Variants in WNT9A observed in about 807,000 individuals in gnomAD.
The protein encoded by WNT9A is protein Wnt-9a.
In WNT9A, 8 loss-of-function variants were observed where a neutral mutation model predicts 31.4. The observed-to-expected ratio is 0.26, with a 90% CI of 0.15 to 0.46. The LOEUF is 0.46. Among genes scored for constraint, WNT9A ranks in the 20% least tolerant of loss-of-function variants. The pLI, the probability that WNT9A is intolerant of heterozygous loss-of-function variation, is 0.99. For synonymous variants in WNT9A, 236 were observed against 220.1 expected, an observed-to-expected ratio of 1.07 and a Z score of -0.64; for missense variants, 457 against 522.9, an observed-to-expected ratio of 0.87 and a Z score of 1.23.
In WNT9A at chr1:227,921,564, C is replaced by T. The variant is rs1409565190; in HGVS notation, c.1052G>A (p.Cys351Tyr). The change falls in exon 4 of 4, where the codon TGC becomes TAC. Residue 351 changes from cysteine to tyrosine, a missense_variant. Cys to Tyr is a radical substitution (Grantham distance 194, BLOSUM62 -2). Transcript: ENST00000272164. Reference sequence around the variant, plus strand: ...CTCCTCACGCTGCGTGCACTGCCTGCACTCCACATAGCAGCACCAACGCAC... The same window carrying T: ...CTCCTCACGCTGCGTGCACTGCCTGTACTCCACATAGCAGCACCAACGCAC... ...CQVRWCCYVECRQCTQREEVY... is the reference protein window; with the variant it reads ...CQVRWCCYVEYRQCTQREEVY... The T allele has an allele frequency of 6.2e-7, 1 of 1,613,246 alleles. No homozygotes were observed. Among genetic ancestry groups the T allele is most frequent in the South Asian group, 1.1e-5 (1 of 91,072 alleles).
At chr1:227,939,202 C>T (rs984845593) in intron 1 of WNT9A, among the ~76,000 whole-genome samples, 3 of 152,222 alleles carry the variant, frequency 2.0e-5, no homozygotes, top group Non-Finnish European at 4.4e-5. Flanking sequence ...CAGATGGGGC[C>T]GCAGACAGTG....
chr1:227,929,277 A>G (rs1460648414), intron 1 of WNT9A, among the ~76,000 whole-genome samples: 3 of 152,224 alleles, frequency 2.0e-5, no homozygotes, highest in African/African-American at 7.2e-5. Flanking sequence ...AAAAAAAACT[A>G]TATTGATACA....
In WNT9A at chr1:227,947,820, G is replaced by T; in HGVS notation, c.68C>A (p.Ala23Glu). ...AAFGLTLLLA[A>E]LRPSAAYFGL... ...GAAGTAGGCGGCCGAAGGGCGCAGC[G>T]CGGCGAGCAGCAGCGTCAGCCCGAA... The change falls in exon 1 of 4, where the codon GCG (alanine) becomes GAG (glutamate). Residue 23 changes from alanine to glutamate, a missense_variant. Transcript: ENST00000272164. 9.1e-7 allele frequency: 1 copy of T among 1,096,578 alleles called. No homozygotes were observed. Among genetic ancestry groups the T allele is most frequent in the Non-Finnish European group, 1.1e-6 (1 of 902,000 alleles). The allele number at this position is 1,096,578 out of a possible 1,614,324, so 67.9% of individuals were successfully genotyped here. A position where few individuals can be genotyped will look rare whatever the true frequency, so the allele number is the denominator to read the frequency against.
chr1:227,930,709 T>C (rs1666496459), intron 1 of WNT9A, among the ~76,000 whole-genome samples: 1 of 152,176 alleles, frequency 6.6e-6, no homozygotes, highest in African/African-American at 2.4e-5. Context: ...GGTTCTTAGT[T>C]TGCTAAGAAC....
At position 227,925,432 on chromosome 1, in the gene WNT9A, C is replaced by T. The variant is rs1666403733; in HGVS notation, c.183G>A (p.Arg61=). 1 of 1,598,096 alleles carries T rather than the reference C, an allele frequency of 6.3e-7. No homozygotes were observed. Residue 61 remains arginine, a synonymous_variant, in exon 2 of 4, where the codon CGG becomes CGA. Transcript: ENST00000272164. This position sits in a 1 kb window ranked among gnomAD's most constrained non-coding sequence, Gnocchi z 6.0. ...GCCGCTGCTTCCGCTCCAGCTTCAGCCGGTCGCAGGCCTTGTAGTGCGCCT... is the reference window on the plus strand; with the variant it reads ...GCCGCTGCTTCCGCTCCAGCTTCAGTCGGTCGCAGGCCTTGTAGTGCGCCT... ...AAQAHYKACD[R]LKLERKQRRM... is the part of the protein sequence containing the mutation.
rs138994521 is a variant in WNT9A, at chr1:227,940,072, C to T, written c.95+7721G>A. On this transcript the variant is annotated intron_variant, in intron 1 of 3. Coordinates refer to ENST00000272164, the MANE Select transcript of WNT9A (RefSeq NM_003395.4). ...TCGGGCCTGAGAGAAACACCCCCCT[C>T]CACCCTGCTGAAAGCACCGTGTCCC... 2.8e-3 allele frequency among the ~76,000 whole-genome samples: 433 copies of T among 152,328 alleles called. 1 individual carries two copies. The highest frequency in any genetic ancestry group is 9.8e-3 in the African/African-American group (409 of 41,576).
At position 227,919,392 on chromosome 1, in the gene WNT9A, A is replaced by G. The variant is rs1666267319; in HGVS notation, c.*2126T>C. 1.3e-5 allele frequency: 2 copies of G among 152,230 alleles called. No homozygotes were observed. Among genetic ancestry groups the G allele is most frequent in the Admixed American group, 6.5e-5 (1 of 15,290 alleles). The allele number at this position is 152,230 out of a possible 1,614,324, so 9.4% of individuals were successfully genotyped here. On this transcript the variant is annotated 3_prime_UTR_variant, in exon 4 of 4. Transcript: ENST00000272164. ...AGGCACATGTCGGGGTGCTCTCTGA[A>G]CCACAGGAGAATAAAGGTTCTTATG... is the stretch of plus-strand genomic sequence containing the variant.
At chr1:227,945,178 C>G (rs918100810) in intron 1 of WNT9A, among the ~76,000 whole-genome samples, 2 of 152,260 alleles carry the variant, frequency 1.3e-5, no homozygotes, top group African/African-American at 2.4e-5. Flanking sequence ...CACCACCAGG[C>G]CCACCCTCTT....
At position 227,924,348 on chromosome 1, in the gene WNT9A, G is replaced by C; in HGVS notation, c.405C>G (p.His135Gln). 1 of 1,613,490 alleles carries C rather than the reference G, an allele frequency of 6.2e-7. No individual in the cohort carries two copies. Among genetic ancestry groups the C allele is most frequent in the South Asian group, 1.1e-5 (1 of 91,060 alleles). Residue 135 changes from histidine (H) to glutamine (Q), a missense_variant, in exon 3 of 4, where the codon CAC becomes CAG. Transcript: ENST00000272164. Reference protein sequence around the residue: ...LYAISSAGLTHALAKACSAGR... With the variant: ...LYAISSAGLTQALAKACSAGR... ...CCGCGCTGCACGCCTTGGCCAGTGC[G>C]TGCGTCAGGCCAGCCGAGGAGATGG...
In WNT9A at chr1:227,921,843, T is replaced by C; in HGVS notation, c.773A>G (p.Asn258Ser). The change falls in exon 4 of 4, where the codon AAT becomes AGT. Residue 258 changes from asparagine to serine, a missense_variant. By Grantham distance (46) the Asn-to-Ser change is conservative. Coordinates refer to ENST00000272164, the MANE Select transcript of WNT9A (RefSeq NM_003395.4). ...GGCACCTGCCTCGCCGGCAGCTTCA[T>C]TGGTGGTGCTGCCCACCTTGAGTGC... ...ETALKVGSTTNEAAGEAGAIS... is the reference protein window; with the variant it reads ...ETALKVGSTTSEAAGEAGAIS... 1 of 1,613,144 alleles carries C rather than the reference T, an allele frequency of 6.2e-7. No homozygotes were observed. The highest frequency in any genetic ancestry group is 8.5e-7 in the Non-Finnish European group (1 of 1,179,930).
intron 1 of WNT9A, among the ~76,000 whole-genome samples, chr1:227,929,014 T>C (rs1666465670): frequency 6.6e-6 from 1 of 152,096 alleles, no homozygotes; most frequent in Non-Finnish European, 1.5e-5. Flanking sequence ...CACGTGTGTG[T>C]GTGTGTCTGG....
chr1:227,937,366 T>G (rs1572132575), intron 1 of WNT9A, among the ~76,000 whole-genome samples: 1 of 152,250 alleles, frequency 6.6e-6, no homozygotes, highest in African/African-American at 2.4e-5. Flanking sequence ...AGGAAACAGT[T>G]GGCAGAAACA....
In WNT9A at chr1:227,924,309, G is replaced by A. The variant is rs1265152664; in HGVS notation, c.444C>T (p.Arg148=). 1.4e-5 allele frequency: 23 copies of A among 1,613,620 alleles called. No individual in the cohort carries two copies. The highest frequency in any genetic ancestry group is 1.9e-5 in the Non-Finnish European group (22 of 1,179,990). ...AKACSAGRME[R]CTCDEAPDLE... is the part of the protein sequence containing the mutation. ...GGTCGGGTGCCTCATCGCAGGTACA[G>A]CGCTCCATGCGGCCCGCGCTGCACG... The change falls in exon 3 of 4, where the codon CGC becomes CGT. Residue 148 remains arginine, a synonymous_variant. Transcript: ENST00000272164.
chr1:227,935,987 T>G lies in WNT9A; in HGVS notation c.96-10468A>C, dbSNP rs146677114. Reference sequence around the variant, plus strand: ...TCCATTTGGGGGCCCAACAAGACACTGTTTTATCAGTCAGCACTACCTCCA... The same window carrying G: ...TCCATTTGGGGGCCCAACAAGACACGGTTTTATCAGTCAGCACTACCTCCA... On this transcript the variant is annotated intron_variant, in intron 1 of 3. Transcript: ENST00000272164. 5.8e-3 allele frequency among the ~76,000 whole-genome samples: 879 copies of G among 152,264 alleles called. 12 individuals are homozygous for G. The highest frequency in any genetic ancestry group is 0.02 in the African/African-American group (849 of 41,544).
At chr1:227,922,126 C>A in intron 3 of WNT9A, 126 bp from the exon 4 acceptor site, 2 of 1,392,338 alleles carry the variant, frequency 1.4e-6, no homozygotes, top group South Asian at 1.5e-5. Flanking sequence ...TGCCGGCGGG[C>A]GTCACCACTG....
Position 227,921,429 on chromosome 1 carries a change from C to A in WNT9A, c.*89G>T. 6.5e-7 allele frequency: 1 copy of A among 1,531,546 alleles called. No individual in the cohort carries two copies. Among genetic ancestry groups the A allele is most frequent in the Admixed American group, 2.0e-5 (1 of 51,200 alleles). 94.9% of individuals were successfully genotyped at this position (1,531,546 alleles called of 1,614,324 possible). A position where few individuals can be genotyped will look rare whatever the true frequency, so the allele number is the denominator to read the frequency against. Reference sequence around the variant, plus strand: ...ACCCCACGCAGCTGGGCTGGTCGAGCCCAGGAACTCAGCCTGTGCAGGTGT... The same window carrying A: ...ACCCCACGCAGCTGGGCTGGTCGAGACCAGGAACTCAGCCTGTGCAGGTGT... On this transcript the variant is annotated 3_prime_UTR_variant, in exon 4 of 4. Transcript: ENST00000272164.
At chr1:227,929,112 CA>C (rs1666467351) in intron 1 of WNT9A, among the ~76,000 whole-genome samples, 1 of 152,066 alleles carries the variant, frequency 6.6e-6, no homozygotes, top group South Asian at 2.1e-4. Flanking sequence ...GGAAGGAAAC[CA>C]ACTGGCTCTT....
In WNT9A at chr1:227,934,551, C is replaced by T. The variant is rs138287363; in HGVS notation, c.96-9032G>A. On this transcript the variant is annotated intron_variant, in intron 1 of 3. Coordinates refer to ENST00000272164, the MANE Select transcript of WNT9A (RefSeq NM_003395.4). ...TCCAAGAAGTGAGCTGTCATCTCTA[C>T]GGCATGTCTACTCTTATGTAATTAC... Among the ~76,000 whole-genome samples the T allele has an allele frequency of 6.6e-5, 10 of 152,304 alleles. No homozygotes were observed. The East Asian group carries it at 1.2e-3, about 18-fold the overall frequency.
At position 227,925,397 on chromosome 1, in the gene WNT9A, C is replaced by A. The variant is rs777039521; in HGVS notation, c.218G>T (p.Arg73Leu). 3.7e-6 allele frequency: 6 copies of A among 1,609,710 alleles called. No homozygotes were observed. The Middle Eastern group carries it at 5.0e-4, about 134-fold the overall frequency. Residue 73 changes from arginine (R) to leucine (L), a missense_variant, in exon 2 of 4, where the codon CGC becomes CTC. Physicochemically the swap from Arg to Leu is moderately radical, Grantham distance 102 (BLOSUM62 -2). Transcript: ENST00000272164. This position sits in a 1 kb window ranked among gnomAD's most constrained non-coding sequence, Gnocchi z 6.0. ...CGTCTCTGCCACGCCCGGGTCCCGG[C>A]GGCACATGCGCCGCTGCTTCCGCTC... is the stretch of plus-strand genomic sequence containing the variant. ...KLERKQRRMC[R>L]RDPGVAETLV... is the part of the protein sequence containing the mutation.
Sources: allele counts gnomAD v4.1 joint callset (sites outside exome capture counted in the v4.1 genomes callset), GRCh38; gene constraint gnomAD v4.1.1; non-coding constraint Gnocchi (gnomAD v3.1); transcripts MANE v1.5; gene names NCBI Gene and HGNC (gene_info 2026-07-23, HGNC 2026-07-21).